The following MAGI2 variants were observed in gnomAD, a reference collection of about 807,000 sequenced individuals.
MAGI2 encodes membrane associated guanylate kinase, WW and PDZ domain containing 2, also known as membrane-associated guanylate kinase, WW and PDZ domain-containing protein 2.
MAGI2 carries 35 observed loss-of-function variants against 133.3 expected under a neutral mutation model. The ratio of observed to expected loss-of-function variants is 0.26; its 90% CI spans 0.20 to 0.35. The LOEUF (loss-of-function observed/expected upper bound fraction) is 0.35. MAGI2 is among the 10% of genes least tolerant of loss of function. The pLI is 1.00. For missense variants in MAGI2, 1,636 were observed against 1,863.4 expected, an observed-to-expected ratio of 0.88 and a Z score of 2.25; for synonymous variants, 729 against 710.6, an observed-to-expected ratio of 1.03 and a Z score of -0.41.
At chr7:78,802,222 T>C (rs918126631) in intron 2 of MAGI2, among the ~76,000 whole-genome samples, 4 of 152,214 alleles carry the variant, frequency 2.6e-5, no homozygotes, top group African/African-American at 9.6e-5. Flanking sequence ...TTAACCTTTT[T>C]CATAGTCCTT....
intron 3 of MAGI2, among the ~76,000 whole-genome samples, chr7:78,626,050 C>T (rs933849634): frequency 3.9e-5 from 6 of 152,114 alleles, no homozygotes; most frequent in South Asian, 2.1e-4. Flanking sequence ...CAACTGTTAA[C>T]GTGGCAAACC....
At chr7:79,418,534 A>C (rs80041322) in intron 1 of MAGI2, among the ~76,000 whole-genome samples, 3,270 of 152,156 alleles carry the variant, frequency 0.021, 131 homozygotes, top group African/African-American at 0.075. Context: ...ATTACGATGA[A>C]AGACCAATGT....
intron 1 of MAGI2, among the ~76,000 whole-genome samples, chr7:79,176,254 T>G (rs566235417): frequency 6.6e-6 from 1 of 151,880 alleles, no homozygotes; most frequent in Non-Finnish European, 1.5e-5. Context: ...TTGCTTACAG[T>G]CAGTCCCCTT....
intron 15 of MAGI2, among the ~76,000 whole-genome samples, chr7:78,161,003 A>G (rs546788039): frequency 6.6e-6 from 1 of 152,364 alleles, no homozygotes; most frequent in East Asian, 1.9e-4. Context: ...GCTTAAAAGA[A>G]TAAATAAATA....
At chr7:79,139,576 T>C (rs1038019602) in intron 1 of MAGI2, among the ~76,000 whole-genome samples, 1 of 151,980 alleles carries the variant, frequency 6.6e-6, no homozygotes, top group African/African-American at 2.4e-5. Flanking sequence ...ATGAGACAAA[T>C]GGGAGGTTGT....
At chr7:79,225,222 C>G (rs1011204867) in intron 1 of MAGI2, among the ~76,000 whole-genome samples, 9 of 152,122 alleles carry the variant, frequency 5.9e-5, no homozygotes, top group Non-Finnish European at 1.0e-4. Flanking sequence ...AGAACCCGTG[C>G]CTGACACTGC....
At chr7:78,573,306 A>ATAAATATATATATT (rs1801872992) in intron 3 of MAGI2, among the ~76,000 whole-genome samples, 1 of 48,862 alleles carries the variant, frequency 2.0e-5, no homozygotes, top group Non-Finnish European at 3.8e-5. Context: ...ATATATTTAT[A>ATAAATATATATATT]TATATAAATA....
At chr7:79,361,014 G>T (rs1842343707) in intron 1 of MAGI2, among the ~76,000 whole-genome samples, 1 of 152,014 alleles carries the variant, frequency 6.6e-6, no homozygotes, top group Admixed American at 6.6e-5. Context: ...AAAGTAAAAA[G>T]ATGGAAAAAG....
intron 1 of MAGI2, among the ~76,000 whole-genome samples, chr7:79,379,829 CTTT>C (rs34699264): frequency 1.4e-5 from 2 of 142,810 alleles, no homozygotes; most frequent in Non-Finnish European, 1.5e-5. Context: ...CTCCCCCCAA[CTTT>C]TTTTTTTTTT....
intron 2 of MAGI2, among the ~76,000 whole-genome samples, chr7:78,772,751 G>C (rs1825692111): frequency 6.6e-6 from 1 of 152,086 alleles, no homozygotes; most frequent in Admixed American, 6.5e-5. Context: ...TGCAAATTTA[G>C]CTTCAGTTTG....
intron 3 of MAGI2, among the ~76,000 whole-genome samples, chr7:78,566,533 T>A (rs1437069665): frequency 1.2e-4 from 16 of 137,146 alleles, no homozygotes; most frequent in East Asian, 4.2e-4. Flanking sequence ...AGACACAGTT[T>A]AAAAAAAAAA....
At chr7:78,461,004 C>A (rs1789926677) in intron 6 of MAGI2, among the ~76,000 whole-genome samples, 1 of 151,930 alleles carries the variant, frequency 6.6e-6, no homozygotes, top group Non-Finnish European at 1.5e-5. Flanking sequence ...TCTTTCCTGG[C>A]CTTTCATGCT....
At chr7:78,302,907 T>C (rs1416183273) in intron 9 of MAGI2, among the ~76,000 whole-genome samples, 1 of 152,136 alleles carries the variant, frequency 6.6e-6, no homozygotes, top group Non-Finnish European at 1.5e-5. Context: ...CATCTATTCC[T>C]TCAGGAACCA....
intron 5 of MAGI2, among the ~76,000 whole-genome samples, chr7:78,496,402 C>G (rs1343108115): frequency 1.3e-5 from 2 of 152,118 alleles, no homozygotes; most frequent in Non-Finnish European, 2.9e-5. Context: ...ATAGCAGTCT[C>G]TTTTGTGTCA....
At chr7:78,825,165 A>AT (rs1282043503) in intron 2 of MAGI2, among the ~76,000 whole-genome samples, 1 of 152,186 alleles carries the variant, frequency 6.6e-6, no homozygotes, top group Non-Finnish European at 1.5e-5. Context: ...TGACAGGTTT[A>AT]TAGGTGCAGC....
chr7:79,007,458 C>T (rs537577773), intron 1 of MAGI2, among the ~76,000 whole-genome samples: 11 of 152,066 alleles, frequency 7.2e-5, no homozygotes, highest in Non-Finnish European at 1.3e-4. Flanking sequence ...AGAATGAAGC[C>T]TATATCATGG....
rs1248512857 is a variant in MAGI2 at position 79,203,972 on chromosome 7, G to A, written c.302-196766C>T. Among the ~76,000 whole-genome samples, 7 of 152,158 alleles carry A rather than the reference G, an allele frequency of 4.6e-5. No individual in the cohort carries two copies. In the East Asian group the frequency reaches 1.4e-3, roughly 29 times the overall value. On this transcript the variant is annotated intron_variant, in intron 1 of 21. Transcript: ENST00000354212. ...GGAAACCAGATCACAGTATTTGGTT[G>A]TAGTACAATAATAAGAAAAGGCACA...
At chr7:78,183,454 C>T (rs897109338) in intron 13 of MAGI2, among the ~76,000 whole-genome samples, 8 of 151,432 alleles carry the variant, frequency 5.3e-5, no homozygotes, top group Admixed American at 3.3e-4. Context: ...TTAGTAGAGA[C>T]GGGGTTTCAC....
chr7:79,036,673 C>T lies in MAGI2; in HGVS notation c.302-29467G>A, dbSNP rs1811156549. ...TGTATTTTCAGGGATTTTTTTTTCCCCCGAGTATCCTCAATGCACAAAAGA... is the reference window on the plus strand; with the variant it reads ...TGTATTTTCAGGGATTTTTTTTTCCTCCGAGTATCCTCAATGCACAAAAGA... On this transcript the variant is annotated intron_variant, in intron 1 of 21. Transcript: ENST00000354212. Among the ~76,000 whole-genome samples the T allele has an allele frequency of 5.3e-5, 8 of 151,884 alleles. No individual in the cohort carries two copies. The South Asian group carries it at 1.7e-3, about 32-fold the overall frequency.
Sources: allele counts gnomAD v4.1 joint callset (sites outside exome capture counted in the v4.1 genomes callset), GRCh38; gene constraint gnomAD v4.1.1; transcripts MANE v1.5; gene names NCBI Gene and HGNC (gene_info 2026-07-23, HGNC 2026-07-21).